Variants in PTPRD observed in about 807,000 individuals in gnomAD.
The protein encoded by PTPRD is protein tyrosine phosphatase receptor type D, also known as receptor-type tyrosine-protein phosphatase delta.
A neutral mutation model predicts 214.5 loss-of-function variants in PTPRD; 34 were observed. The ratio of observed to expected loss-of-function variants is 0.16; its 90% CI spans 0.12 to 0.21. The LOEUF (loss-of-function observed/expected upper bound fraction) is 0.21, where lower values mean the gene tolerates loss of function less well. Ranked by LOEUF, PTPRD falls within the 10% of genes least tolerant of loss-of-function variation. PTPRD has a pLI of 1.00. For synonymous variants in PTPRD, 1,128 were observed against 845.7 expected, an observed-to-expected ratio of 1.33 and a Z score of -5.79; for missense variants, 2,545 against 2,398.7, an observed-to-expected ratio of 1.06 and a Z score of -1.27.
At chr9:9,827,918 G>A (rs2053510374) in intron 5 of PTPRD, among the ~76,000 whole-genome samples, 1 of 152,066 alleles carries the variant, frequency 6.6e-6, no homozygotes, top group African/African-American at 2.4e-5. Flanking sequence ...CATCATCACT[G>A]GCCATCAGAG....
rs2099782743 is a variant in PTPRD at position 9,095,850 on chromosome 9, C to A, written c.-142-77115G>T. Among the ~76,000 whole-genome samples, 9 of 152,274 alleles carry A rather than the reference C, an allele frequency of 5.9e-5. No homozygotes were observed. The South Asian group carries it at 1.9e-3, about 32-fold the overall frequency. On this transcript the variant is annotated intron_variant, in intron 10 of 45. Transcript: ENST00000381196. ...TCAATAGCCAAGATATGGAAACAACCTGTCCATTGATGAACAAATGGATTA... is the reference window on the plus strand; with the variant it reads ...TCAATAGCCAAGATATGGAAACAACATGTCCATTGATGAACAAATGGATTA...
At chr9:8,525,191 T>A (rs1259511417) in intron 17 of PTPRD, 156 bp from the exon 18 acceptor site, 1 of 759,434 alleles carries the variant, frequency 1.3e-6, no homozygotes. Flanking sequence ...CAGAAAATGA[T>A]GCGATGAGAA....
At chr9:9,457,326 G>T (rs760809368) in intron 8 of PTPRD, among the ~76,000 whole-genome samples, 1 of 151,878 alleles carries the variant, frequency 6.6e-6, no homozygotes, top group African/African-American at 2.4e-5. Context: ...TCTAAACTCA[G>T]TTCTAAGATC....
Position 8,316,976 on chromosome 9 carries a change from T to C in PTPRD, c.*898A>G, listed in dbSNP as rs1822314148. On this transcript the variant is annotated 3_prime_UTR_variant, in exon 46 of 46. Coordinates refer to ENST00000381196, the MANE Select transcript of PTPRD (RefSeq NM_002839.4). ...GACACCCTTATAAAATATGGATATA[T>C]ATGTATATATGTTAGCAGCAACTTT... The C allele has an allele frequency of 2.2e-5, 5 of 231,352 alleles. No individual in the cohort carries two copies. Among genetic ancestry groups the C allele is most frequent in the South Asian group, 3.6e-4 (2 of 5,516 alleles). 14.3% of individuals were successfully genotyped at this position (231,352 alleles called of 1,614,324 possible).
intron 6 of PTPRD, among the ~76,000 whole-genome samples, chr9:9,763,577 T>C (rs922931625): frequency 6.6e-6 from 1 of 152,140 alleles, no homozygotes; most frequent in Non-Finnish European, 1.5e-5. Context: ...ATGTTACAAA[T>C]AACAATATGA....
intron 8 of PTPRD, among the ~76,000 whole-genome samples, chr9:9,412,182 T>C (rs112401083): frequency 3.9e-5 from 6 of 152,186 alleles, no homozygotes; most frequent in African/African-American, 1.2e-4. Flanking sequence ...CTAGAGTCAG[T>C]TTCTGTTTTA....
At position 9,961,419 on chromosome 9, in the gene PTPRD, T is replaced by C. The variant is rs1228169665; in HGVS notation, c.-471-22809A>G. On this transcript the variant is annotated intron_variant, in intron 4 of 45. Transcript: ENST00000381196. Reference sequence around the variant, plus strand: ...AACAAACAAGAAGAATGATTTCCTATGGACCTTTTGTTTTGAACATTAATT... The same window carrying C: ...AACAAACAAGAAGAATGATTTCCTACGGACCTTTTGTTTTGAACATTAATT... Among the ~76,000 whole-genome samples the C allele has an allele frequency of 5.9e-5, 9 of 152,274 alleles. 1 individual carries two copies. In the South Asian group the frequency reaches 1.9e-3, roughly 32 times the overall value.
chr9:9,051,862 C>CTA (rs1287037384), intron 10 of PTPRD, among the ~76,000 whole-genome samples: 1 of 152,120 alleles, frequency 6.6e-6, no homozygotes, highest in Non-Finnish European at 1.5e-5. Flanking sequence ...GGTCAAAATT[C>CTA]TATATTCCTA....
intron 9 of PTPRD, among the ~76,000 whole-genome samples, chr9:9,377,033 T>C (rs542636953): frequency 6.6e-6 from 1 of 152,086 alleles, no homozygotes; most frequent in Non-Finnish European, 1.5e-5. Flanking sequence ...AAAAGCATCA[T>C]CAAGCTAAAG....
Position 9,126,169 on chromosome 9 carries a change from A to C in PTPRD, c.-143+57135T>G, listed in dbSNP as rs1002232370. On this transcript the variant is annotated intron_variant, in intron 10 of 45. Transcript: ENST00000381196. ...GGAAACTCTTTGTAGGATTTTAAGCAGGAGGGGGATATAAGCCACAATTTA... is the reference window on the plus strand; with the variant it reads ...GGAAACTCTTTGTAGGATTTTAAGCCGGAGGGGGATATAAGCCACAATTTA... 5.3e-5 allele frequency among the ~76,000 whole-genome samples: 8 copies of C among 152,194 alleles called. No individual in the cohort carries two copies. In the East Asian group the frequency reaches 1.5e-3, roughly 29 times the overall value.
intron 7 of PTPRD, among the ~76,000 whole-genome samples, chr9:9,661,243 G>A (rs192932835): frequency 8.4e-4 from 127 of 151,746 alleles, no homozygotes; most frequent in African/African-American, 2.6e-3. Context: ...ATTAAGACTC[G>A]ATTTTCAATA....
At chr9:10,188,783 A>T (rs2099349279) in intron 3 of PTPRD, among the ~76,000 whole-genome samples, 1 of 152,158 alleles carries the variant, frequency 6.6e-6, no homozygotes, top group Admixed American at 6.6e-5. Flanking sequence ...GTATACTACA[A>T]TGTACCAGGT....
chr9:9,399,266 G>A (rs570245647), intron 8 of PTPRD, among the ~76,000 whole-genome samples: 238 of 152,094 alleles, frequency 1.6e-3, no homozygotes, highest in African/African-American at 5.6e-3. Context: ...AATTTGGTAA[G>A]AGGGAGGACT....
At chr9:9,997,578 C>T (rs1397570080) in intron 4 of PTPRD, among the ~76,000 whole-genome samples, 1 of 152,070 alleles carries the variant, frequency 6.6e-6, no homozygotes, top group African/African-American at 2.4e-5. Context: ...CGTGAGCCAC[C>T]GTGCCTGGCC....
At chr9:8,498,259 C>T (rs1205026988) in intron 25 of PTPRD, among the ~76,000 whole-genome samples, 1 of 151,998 alleles carries the variant, frequency 6.6e-6, no homozygotes, top group Non-Finnish European at 1.5e-5. Context: ...ATATTTATTG[C>T]TGTCTTATTT....
At chr9:8,677,362 C>T (rs775588850) in intron 12 of PTPRD, among the ~76,000 whole-genome samples, 1 of 152,120 alleles carries the variant, frequency 6.6e-6, no homozygotes, top group Non-Finnish European at 1.5e-5. Flanking sequence ...AGATAATGTC[C>T]TTTGCAGTAA....
At chr9:8,485,720 C>A (rs2135894674) in intron 28 of PTPRD, 42 bp downstream of exon 28, 1 of 1,501,738 alleles carries the variant, frequency 6.7e-7, no homozygotes. Flanking sequence ...CAAAGACTGA[C>A]AATCCTTTAA....
chr9:9,549,562 A>G (rs539611022), intron 8 of PTPRD, among the ~76,000 whole-genome samples: 1 of 152,242 alleles, frequency 6.6e-6, no homozygotes, highest in East Asian at 1.9e-4. Context: ...AACAGTCGCT[A>G]TGGTCCAGCA....
chr9:9,909,217 G>C (rs1364146710), intron 5 of PTPRD, among the ~76,000 whole-genome samples: 2 of 151,876 alleles, frequency 1.3e-5, no homozygotes, highest in Middle Eastern at 3.4e-3. Flanking sequence ...ATATCTGTCA[G>C]CTGTGTGCTT....
Sources: allele counts gnomAD v4.1 joint callset (sites outside exome capture counted in the v4.1 genomes callset), GRCh38; gene constraint gnomAD v4.1.1; transcripts MANE v1.5; gene names NCBI Gene and HGNC (gene_info 2026-07-23, HGNC 2026-07-21).